Variants in SLC8B1 observed in about 807,000 individuals in gnomAD.
SLC8B1 encodes the protein solute carrier family 8 member B1, also known as mitochondrial sodium/calcium exchanger protein.
A neutral mutation model predicts 63.4 loss-of-function variants in SLC8B1; 52 were observed. The observed-to-expected ratio is 0.82, with a 90% CI of 0.66 to 1.03. The LOEUF (loss-of-function observed/expected upper bound fraction) is 1.03. Ranked by LOEUF, SLC8B1 falls within the 50% of genes least tolerant of loss-of-function variation. The pLI is 0.00. For missense variants in SLC8B1, 657 were observed against 741.7 expected, an observed-to-expected ratio of 0.89 and a Z score of 1.33; for synonymous variants, 336 against 323.9, an observed-to-expected ratio of 1.04 and a Z score of -0.40.
rs767240355 is a variant in SLC8B1 at position 113,320,310 on chromosome 12, C to T, written c.694+21G>A. ...GCCCATCAGCCCTGGGATCTCACGC[C>T]TGAGCCCCAGAGCTGCTCACCCAGA... On this transcript the variant is annotated intron_variant, in intron 7 of 15. Coordinates refer to ENST00000680972, the MANE Select transcript of SLC8B1 (RefSeq NM_001358345.2). The surrounding 1 kb of genome is among the most constrained non-coding windows in gnomAD (Gnocchi z 5.3). 9 of 1,612,376 alleles carry T rather than the reference C, an allele frequency of 5.6e-6. No homozygotes were observed. In the African/African-American group the frequency reaches 1.1e-4, roughly 19 times the overall value.
intron 2 of SLC8B1, among the ~76,000 whole-genome samples, chr12:113,332,223 T>C (rs1302753074): frequency 6.6e-6 from 1 of 152,212 alleles, no homozygotes; most frequent in Non-Finnish European, 1.5e-5. Context: ...CTTTAGCTAT[T>C]GTGTGCGGGG....
intron 2 of SLC8B1, among the ~76,000 whole-genome samples, 188 bp downstream of exon 2, chr12:113,332,535 A>C (rs1411364385): frequency 6.6e-6 from 1 of 152,140 alleles, no homozygotes; most frequent in Admixed American, 6.5e-5. Flanking sequence ...AAAGTGTATA[A>C]GTTTACTTCT....
intron 13 of SLC8B1, chr12:113,306,961 A>C: frequency 3.6e-5 from 9 of 246,686 alleles, no homozygotes; most frequent in East Asian, 7.8e-5. Flanking sequence ...AAATACAAAA[A>C]TTAGCTGGGC....
chr12:113,332,053 T>C (rs1457862523), intron 2 of SLC8B1, among the ~76,000 whole-genome samples: 4 of 152,178 alleles, frequency 2.6e-5, no homozygotes, highest in African/African-American at 9.7e-5. Context: ...TCTTTGTACT[T>C]GCTGTTCCCT....
At chr12:113,334,378 G>A (rs921716775) in intron 1 of SLC8B1, 65 bp downstream of exon 1, 1 of 152,132 alleles carries the variant, frequency 6.6e-6, no homozygotes, top group Non-Finnish European at 1.5e-5. Flanking sequence ...AGCCTGAGGG[G>A]AGGGAGAGGA....
intron 2 of SLC8B1, among the ~76,000 whole-genome samples, chr12:113,321,825 A>G (rs1262381151): frequency 1.8e-4 from 28 of 151,636 alleles, no homozygotes; most frequent in Admixed American, 1.8e-3. Flanking sequence ...CAGAATTTGA[A>G]ACATACTATA....
rs1213496515 is a variant in SLC8B1 at position 113,324,328 on chromosome 12, C to CA, written c.157-2981dup. ...CCTGTCTCAAAAAAAAACAAACAAA[C>CA]AAAAAAAAAAACTTTTCTTTTTTTG... is the stretch of plus-strand genomic sequence containing the variant. On this transcript the variant is annotated intron_variant, in intron 2 of 15. Coordinates refer to ENST00000680972, the MANE Select transcript of SLC8B1 (RefSeq NM_001358345.2). 6.3e-3 allele frequency among the ~76,000 whole-genome samples: 846 copies of CA among 134,662 alleles called. 7 individuals carry two copies. The highest frequency in any genetic ancestry group is 0.017 in the African/African-American group (619 of 37,344). 88.3% of individuals were successfully genotyped at this position (134,662 alleles called of 152,430 possible).
chr12:113,310,552 A>C (rs1413835320), intron 11 of SLC8B1, among the ~76,000 whole-genome samples, 197 bp from the exon 12 acceptor site: 1 of 152,190 alleles, frequency 6.6e-6, no homozygotes, highest in East Asian at 1.9e-4. Context: ...ACACACAAAA[A>C]AGACTCTCTC....
chr12:113,314,831 C>G (rs1017666270), intron 11 of SLC8B1, among the ~76,000 whole-genome samples: 5 of 152,224 alleles, frequency 3.3e-5, no homozygotes, highest in African/African-American at 1.2e-4. Context: ...ACCTGTTTTG[C>G]AGCCTCCATC....
intron 8 of SLC8B1, among the ~76,000 whole-genome samples, chr12:113,317,978 TTG>T (rs1956858827): frequency 1.3e-5 from 2 of 152,072 alleles, no homozygotes; most frequent in South Asian, 2.1e-4. Flanking sequence ...CTATACACAT[TTG>T]TGTGTTGTGT....
intron 14 of SLC8B1, among the ~76,000 whole-genome samples, chr12:113,304,747 A>C (rs1315643047): frequency 1.3e-5 from 2 of 152,154 alleles, no homozygotes; most frequent in Admixed American, 1.3e-4. Flanking sequence ...GATCACAGGC[A>C]TATGCCACCA....
chr12:113,303,191 C>G (rs1357417694), intron 15 of SLC8B1, among the ~76,000 whole-genome samples: 1 of 151,986 alleles, frequency 6.6e-6, no homozygotes, highest in Non-Finnish European at 1.5e-5. Flanking sequence ...GGAGCCAACC[C>G]TAAAGCCTCA....
chr12:113,322,871 G>T (rs1260951376), intron 2 of SLC8B1, among the ~76,000 whole-genome samples: 1 of 152,182 alleles, frequency 6.6e-6, no homozygotes, highest in African/African-American at 2.4e-5. Context: ...GAGCACCTGA[G>T]CCTGGAAGTT....
chr12:113,315,429 C>T lies in SLC8B1; in HGVS notation c.1041G>A (p.Pro347=), dbSNP rs747034646. 1.7e-5 allele frequency: 27 copies of T among 1,599,598 alleles called. No individual in the cohort carries two copies. Among genetic ancestry groups the T allele is most frequent in the South Asian group, 5.7e-5 (5 of 88,056 alleles). ...LLLLTVPVVD[P]DKDDQNWKRP... ...GTTTCCAGTTCTGGTCATCCTTGTCCGGGTCCACGACGGGGACTGTGAGGA... is the reference window on the plus strand; with the variant it reads ...GTTTCCAGTTCTGGTCATCCTTGTCTGGGTCCACGACGGGGACTGTGAGGA... Residue 347 remains proline (P), a synonymous_variant, in exon 11 of 16, where the codon CCG becomes CCA. Coordinates refer to ENST00000680972, the MANE Select transcript of SLC8B1 (RefSeq NM_001358345.2).
intron 8 of SLC8B1, 141 bp from the exon 9 acceptor site, chr12:113,317,142 C>A (rs1956846289): frequency 2.6e-6 from 2 of 759,328 alleles, no homozygotes; most frequent in Non-Finnish European, 4.4e-6. Flanking sequence ...CTCTGTCACC[C>A]AGGCTGGAGT....
chr12:113,306,589 A>T lies in SLC8B1; in HGVS notation c.1412-14T>A, dbSNP rs769756053. ...CCGAGAAGGCATCTGCACAGGAACA[A>T]GAGGGGCCTGCAGTGGTGAGTCGCT... is the stretch of plus-strand genomic sequence containing the variant. On this transcript the variant is annotated splice_polypyrimidine_tract_variant and intron_variant, in intron 13 of 15. Transcript: ENST00000680972. The T allele has an allele frequency of 1.2e-6, 2 of 1,612,978 alleles. No individual in the cohort carries two copies. The highest frequency in any genetic ancestry group is 1.7e-6 in the Non-Finnish European group (2 of 1,179,128).
At chr12:113,322,573 T>C (rs1418053700) in intron 2 of SLC8B1, among the ~76,000 whole-genome samples, 1 of 152,090 alleles carries the variant, frequency 6.6e-6, no homozygotes, top group African/African-American at 2.4e-5. Flanking sequence ...CTGGTCTGGG[T>C]TCCTCCAGAA....
At chr12:113,311,069 C>T (rs990423982) in intron 11 of SLC8B1, among the ~76,000 whole-genome samples, 5 of 152,154 alleles carry the variant, frequency 3.3e-5, no homozygotes, top group African/African-American at 1.2e-4. Context: ...AATGCCGGCA[C>T]TTTGGGAGGC....
chr12:113,334,639 G>A lies in SLC8B1; in HGVS notation c.-279C>T, dbSNP rs1957104622. The A allele has an allele frequency of 6.6e-6, 1 of 152,260 alleles. No individual in the cohort carries two copies. Among genetic ancestry groups the A allele is most frequent in the Non-Finnish European group, 1.5e-5 (1 of 68,054 alleles). 9.4% of individuals were successfully genotyped at this position (152,260 alleles called of 1,614,324 possible). A position where few individuals can be genotyped will look rare whatever the true frequency, so the allele number is the denominator to read the frequency against. ...GCCTCTTATTCCTCATGTGTGAAAT[G>A]GACACAAATGCTGGCCGACGCGGTA... On this transcript the variant is annotated 5_prime_UTR_variant, in exon 1 of 16. Transcript: ENST00000680972.
Sources: allele counts gnomAD v4.1 joint callset (sites outside exome capture counted in the v4.1 genomes callset), GRCh38; gene constraint gnomAD v4.1.1; non-coding constraint Gnocchi (gnomAD v3.1); transcripts MANE v1.5; gene names NCBI Gene and HGNC (gene_info 2026-07-23, HGNC 2026-07-21).